Variants in SYNE2 observed in about 807,000 individuals in gnomAD.
SYNE2 encodes the protein nesprin-2.
SYNE2 carries 431 observed loss-of-function variants against 856.3 expected under a neutral mutation model. That is an observed-to-expected ratio of 0.50 (90% CI 0.47 to 0.55). The LOEUF is 0.55. Ranked by LOEUF, SYNE2 falls within the 20% of genes least tolerant of loss-of-function variation. The pLI, the probability that SYNE2 is intolerant of heterozygous loss-of-function variation, is 0.00. For synonymous variants in SYNE2, 2,923 were observed against 2,872.3 expected (o/e 1.02, Z -0.56); for missense variants, 8,129 against 8,023.2 (o/e 1.01, Z -0.50).
intron 34 of SYNE2, among the ~76,000 whole-genome samples, chr14:64,018,245 T>C (rs1338228716): frequency 6.6e-6 from 1 of 152,114 alleles, no homozygotes; most frequent in Non-Finnish European, 1.5e-5. Context: ...ACTTTTTCTT[T>C]TCTCTTTTTT....
intron 16 of SYNE2, among the ~76,000 whole-genome samples, 163 bp downstream of exon 16, chr14:63,981,336 G>T (rs1727627931): frequency 6.6e-6 from 1 of 151,640 alleles, no homozygotes; most frequent in Admixed American, 6.6e-5. Flanking sequence ...TGATATAATT[G>T]CCAAGAGGTA....
chr14:64,100,374 G>A (rs1443394691), intron 63 of SYNE2: 1 of 150,860 alleles, frequency 6.6e-6, no homozygotes, highest in Non-Finnish European at 1.5e-5. Context: ...AAATTTGCCA[G>A]GTGTGGTGGC....
At chr14:63,839,872 C>T (rs1160743454) in intron 1 of SYNE2, among the ~76,000 whole-genome samples, 1 of 152,184 alleles carries the variant, frequency 6.6e-6, no homozygotes, top group Non-Finnish European at 1.5e-5. Context: ...AAAGTGTTAA[C>T]ATTTTGGTTA....
chr14:64,143,845 C>A lies in SYNE2; in HGVS notation c.15380C>A (p.Thr5127Asn), dbSNP rs774877394. Residue 5127 changes from threonine (T) to asparagine (N), a missense_variant, in exon 83 of 116, where the codon ACC becomes AAC. Thr to Asn is a moderately conservative substitution (Grantham distance 65). Around this residue, in one of 3 missense-constraint regions of SYNE2, gnomAD observed 5,410 missense variants for 5,284.8 expected, o/e 1.02. Coordinates refer to ENST00000555002, the MANE Select transcript of SYNE2 (RefSeq NM_182914.3). ...FVNQSLLQLSTCDVESKRYER... is the reference protein window; with the variant it reads ...FVNQSLLQLSNCDVESKRYER... ...AACCAGTCATTACTTCAGCTAAGCA[C>A]CTGTGATGTAGAAAGCAAGCGCTAT... is the stretch of plus-strand genomic sequence containing the variant. The A allele has an allele frequency of 6.2e-7, 1 of 1,614,024 alleles. No homozygotes were observed. Among genetic ancestry groups the A allele is most frequent in the Non-Finnish European group, 8.5e-7 (1 of 1,180,016 alleles).
chr14:64,185,310 T>G (rs2098483028), intron 96 of SYNE2, among the ~76,000 whole-genome samples: 1 of 152,120 alleles, frequency 6.6e-6, no homozygotes, highest in South Asian at 2.1e-4. Flanking sequence ...ATTTCAGATT[T>G]CATTTGACAG....
intron 87 of SYNE2, among the ~76,000 whole-genome samples, chr14:64,161,238 G>C (rs113818679): frequency 0.038 from 5,780 of 151,950 alleles, 143 homozygotes; most frequent in African/African-American, 0.04. Flanking sequence ...AGCTACTTGT[G>C]GGGGCTGAGA....
chr14:64,062,870 C>T lies in SYNE2; in HGVS notation c.10187C>T (p.Ala3396Val). 6.2e-7 allele frequency: 1 copy of T among 1,614,088 alleles called. No homozygotes were observed. The highest frequency in any genetic ancestry group is 8.5e-7 in the Non-Finnish European group (1 of 1,180,012). Residue 3396 changes from alanine to valine, a missense_variant, in exon 50 of 116, where the codon GCT becomes GTT. By Grantham distance (64) the Ala-to-Val change is moderately conservative. This residue lies in a region of SYNE2 where 5,410 missense variants were observed against 5,284.8 expected (regional missense o/e 1.02). Transcript: ENST00000555002. ...MSSLPLSYRE[A>V]LERLEQSKAL... ...TCGTTGCCACTGTCTTACAGAGAAG[C>T]TTTAGAGCGCTTGGAACAGAGCAAG...
At chr14:63,944,564 C>T (rs982528922) in intron 6 of SYNE2, among the ~76,000 whole-genome samples, 2 of 130,700 alleles carry the variant, frequency 1.5e-5, no homozygotes, top group Non-Finnish European at 3.1e-5. Flanking sequence ...CGCTCTGTTG[C>T]CCAGGCTGGA....
chr14:63,985,071 G>A (rs1229049346), intron 18 of SYNE2, among the ~76,000 whole-genome samples: 1 of 152,110 alleles, frequency 6.6e-6, no homozygotes, highest in Non-Finnish European at 1.5e-5. Flanking sequence ...GGGAGCGGTG[G>A]CTCATGCCAG....
At chr14:64,212,594 T>A (rs2098647043) in intron 104 of SYNE2, among the ~76,000 whole-genome samples, 1 of 152,216 alleles carries the variant, frequency 6.6e-6, no homozygotes, top group Non-Finnish European at 1.5e-5. Context: ...ATTATTTTAA[T>A]TGGAAAAGCC....
chr14:64,053,144 G>C lies in SYNE2; in HGVS notation c.9231G>C (p.Pro3077=), dbSNP rs199659722. 2 of 1,614,092 alleles carry C rather than the reference G, an allele frequency of 1.2e-6. No individual in the cohort carries two copies. The highest frequency in any genetic ancestry group is 1.7e-6 in the Non-Finnish European group (2 of 1,180,008). ...EVVLKAPDSS[P]ESRRLNAQIL... Reference sequence around the variant, plus strand: ...TACTAAAAGCTCCTGATAGCTCTCCGGAAAGCAGACGGCTCAATGCCCAAA... The same window carrying C: ...TACTAAAAGCTCCTGATAGCTCTCCCGAAAGCAGACGGCTCAATGCCCAAA... Residue 3077 remains proline, a synonymous_variant, in exon 48 of 116, where the codon CCG becomes CCC. Transcript: ENST00000555002.
At chr14:64,090,201 C>G (rs537182919) in intron 59 of SYNE2, among the ~76,000 whole-genome samples, 3 of 152,306 alleles carry the variant, frequency 2.0e-5, no homozygotes, top group African/African-American at 7.2e-5. Flanking sequence ...GTTCCCAGCT[C>G]TGCCTCTTAC....
At chr14:63,920,923 G>A (rs1192015059) in intron 2 of SYNE2, among the ~76,000 whole-genome samples, 1 of 152,004 alleles carries the variant, frequency 6.6e-6, no homozygotes, top group Non-Finnish European at 1.5e-5. Context: ...AGACCAGCCT[G>A]GCCAACATGG....
rs1466600702 is a variant in SYNE2 at position 64,052,322 on chromosome 14, T to C, written c.8409T>C (p.Asp2803=). 1.2e-6 allele frequency: 2 copies of C among 1,614,166 alleles called. No individual in the cohort carries two copies. The highest frequency in any genetic ancestry group is 3.3e-5 in the Admixed American group (2 of 60,016). The part of the protein sequence containing the change: ...VPSLTTYEGS[D]LNNTLEDLRN... ...GCCTTACAACCTATGAGGGCAGTGA[T>C]TTAAATAATACCCTAGAGGACTTAC... The change falls in exon 48 of 116, where the codon GAT becomes GAC. Residue 2803 remains aspartate, a synonymous_variant. Transcript: ENST00000555002.
chr14:64,144,382 C>G (rs2098164446), intron 83 of SYNE2, among the ~76,000 whole-genome samples: 1 of 152,164 alleles, frequency 6.6e-6, no homozygotes, highest in Non-Finnish European at 1.5e-5. Context: ...ATTCGGAAAA[C>G]TTATTCCTGA....
At chr14:63,818,784 T>C (rs1021613353) in intron 1 of SYNE2, among the ~76,000 whole-genome samples, 22 of 150,632 alleles carry the variant, frequency 1.5e-4, no homozygotes, top group Non-Finnish European at 2.7e-4. Flanking sequence ...CTGCAAGCTC[T>C]GCCTCCCAGG....
chr14:64,016,788 C>G (rs1291462873), intron 33 of SYNE2, among the ~76,000 whole-genome samples, 157 bp downstream of exon 33: 2 of 152,008 alleles, frequency 1.3e-5, no homozygotes, highest in African/African-American at 4.8e-5. Context: ...AGAGTTGGGA[C>G]TACTAACAGA....
At chr14:63,883,636 G>A (rs145017460) in intron 1 of SYNE2, among the ~76,000 whole-genome samples, 2,226 of 152,286 alleles carry the variant, frequency 0.015, 42 homozygotes, top group African/African-American at 0.048. Context: ...GATTACAGGC[G>A]TGCGCCACTG....
At chr14:63,884,886 C>T (rs990041336) in intron 1 of SYNE2, among the ~76,000 whole-genome samples, 28 of 152,150 alleles carry the variant, frequency 1.8e-4, no homozygotes, top group African/African-American at 5.8e-4. Context: ...GTGATCCGCC[C>T]GCCTCGGCCT....
Sources: allele counts gnomAD v4.1 joint callset (sites outside exome capture counted in the v4.1 genomes callset), GRCh38; gene constraint gnomAD v4.1.1; regional missense constraint gnomAD v4.1.1; transcripts MANE v1.5; gene names NCBI Gene and HGNC (gene_info 2026-07-23, HGNC 2026-07-21).